The following PDZD2 variants were observed in gnomAD, a reference collection of about 807,000 sequenced individuals.
PDZD2 encodes the protein PDZ domain containing 2.
Under a neutral mutation model 220.7 loss-of-function variants are expected in PDZD2, and 90 were observed. That is an observed-to-expected ratio of 0.41 (90% CI 0.34 to 0.49). PDZD2 has a LOEUF of 0.49. Ranked by LOEUF, PDZD2 falls within the 20% of genes least tolerant of loss-of-function variation. The pLI, the probability that PDZD2 is intolerant of heterozygous loss-of-function variation, is 0.28. For missense variants in PDZD2, 3,174 were observed against 3,608.5 expected, an observed-to-expected ratio of 0.88 and a Z score of 3.08; for synonymous variants, 1,375 against 1,450.5, an observed-to-expected ratio of 0.95 and a Z score of 1.18.
chr5:32,089,476 G>T lies in PDZD2; in HGVS notation c.6028G>T (p.Asp2010Tyr), dbSNP rs201168802. 6 of 1,613,434 alleles carry T rather than the reference G, an allele frequency of 3.7e-6. No homozygotes were observed. In the South Asian group the frequency reaches 5.5e-5, roughly 15 times the overall value. The change falls in exon 20 of 25, where the codon GAC (aspartate) becomes TAC (tyrosine). Residue 2010 changes from aspartate (D) to tyrosine (Y), a missense_variant. Physicochemically the swap from Asp to Tyr is radical, Grantham distance 160 (BLOSUM62 -3). Coordinates refer to ENST00000438447, the MANE Select transcript of PDZD2 (RefSeq NM_178140.4). ...CCACATGGCTGTCCTCTCTGAACCC[G>T]ACAGAGGTTGCCCAACCACCCCTAA... Reference protein sequence around the residue: ...RFHMAVLSEPDRGCPTTPKSP... With the variant: ...RFHMAVLSEPYRGCPTTPKSP...
chr5:32,090,123 G>A lies in PDZD2; in HGVS notation c.6675G>A (p.Met2225Ile), dbSNP rs772878335. The A allele has an allele frequency of 4.3e-6, 7 of 1,613,678 alleles. No homozygotes were observed. The Admixed American group carries it at 5.0e-5, about 12-fold the overall frequency. Residue 2225 changes from methionine (M) to isoleucine (I), a missense_variant, in exon 20 of 25, where the codon ATG becomes ATA. Around this residue, in one of 4 missense-constraint regions of PDZD2, gnomAD observed 631 missense variants for 789.9 expected, o/e 0.80. Coordinates refer to ENST00000438447, the MANE Select transcript of PDZD2 (RefSeq NM_178140.4). This position sits in a 1 kb window ranked among gnomAD's most constrained non-coding sequence, Gnocchi z 4.3. ...GGCCAGCGACCAGGACCTACTCCAT[G>A]CCAGCCCAGTTCTCAAGCCATTTTG... The part of the protein sequence containing the change: ...TPRPATRTYS[M>I]PAQFSSHFGR...
intron 2 of PDZD2, among the ~76,000 whole-genome samples, chr5:31,908,019 G>T (rs1187917814): frequency 6.8e-6 from 1 of 147,092 alleles, no homozygotes; most frequent in East Asian, 2.0e-4. Context: ...GGAGGCGGAG[G>T]CTTCAGTGAG....
chr5:31,676,801 G>T (rs767032074), intron 1 of PDZD2, among the ~76,000 whole-genome samples: 2 of 151,822 alleles, frequency 1.3e-5, no homozygotes, highest in Non-Finnish European at 2.9e-5. Flanking sequence ...TGATCTGCCC[G>T]CCTCGGCCTC....
intron 2 of PDZD2, among the ~76,000 whole-genome samples, chr5:31,901,517 C>T (rs533881125): frequency 2.8e-4 from 43 of 152,094 alleles, no homozygotes; most frequent in African/African-American, 1.0e-3. Flanking sequence ...TCCCCTCAAA[C>T]AATTTTCAGT....
chr5:32,059,348 C>T lies in PDZD2; in HGVS notation c.2310C>T (p.Ser770=), dbSNP rs767218789. The change falls in exon 13 of 25, where the codon AGC becomes AGT. Residue 770 remains serine, a synonymous_variant. Transcript: ENST00000438447. Reference sequence around the variant, plus strand: ...CAGGATCAGTGGCCAAGATGGAGAGCAACCTGAGGTTTGTTGTTTGCCTGA... The same window carrying T: ...CAGGATCAGTGGCCAAGATGGAGAGTAACCTGAGGTTTGTTGTTTGCCTGA... ...LAPGSVAKME[S]NLSRGDQILE... is the part of the protein sequence containing the mutation. The T allele has an allele frequency of 1.9e-6, 3 of 1,563,588 alleles. No individual in the cohort carries two copies. Among genetic ancestry groups the T allele is most frequent in the Non-Finnish European group, 1.8e-6 (2 of 1,134,158 alleles).
At chr5:32,071,486 G>A (rs1361253285) in intron 16 of PDZD2, 68 bp downstream of exon 16, 1 of 1,283,534 alleles carries the variant, frequency 7.8e-7, no homozygotes, top group South Asian at 1.2e-5. Flanking sequence ...GAGCCCACAA[G>A]TCAAGCCGGA....
intron 2 of PDZD2, among the ~76,000 whole-genome samples, chr5:31,935,087 C>CAAA (rs57215375): frequency 8.0e-4 from 115 of 143,532 alleles, no homozygotes; most frequent in South Asian, 1.8e-3. Context: ...GACCCTGTCT[C>CAAA]AAAAAAAAAA....
chr5:31,894,740 G>A lies in PDZD2; in HGVS notation c.477-88415G>A, dbSNP rs572103852. On this transcript the variant is annotated intron_variant, in intron 2 of 24. Transcript: ENST00000438447. The stretch of plus-strand genomic sequence containing the variant: ...ACCTGAAGGGTTGAAAGATAATGTC[G>A]TAAGTATGGCTGTATCCTCAGCCCA... Among the ~76,000 whole-genome samples, 9 of 152,202 alleles carry A rather than the reference G, an allele frequency of 5.9e-5. No homozygotes were observed. In the South Asian group the frequency reaches 1.7e-3, roughly 28 times the overall value.
chr5:31,717,179 G>A (rs188257825), intron 1 of PDZD2, among the ~76,000 whole-genome samples: 38 of 152,274 alleles, frequency 2.5e-4, no homozygotes, highest in Admixed American at 2.5e-3. Flanking sequence ...CGTGTATTGA[G>A]TGCCCGTTGT....
intron 4 of PDZD2, among the ~76,000 whole-genome samples, chr5:31,998,925 C>G (rs1751870751): frequency 6.6e-6 from 1 of 152,258 alleles, no homozygotes; most frequent in African/African-American, 2.4e-5. Flanking sequence ...TCAGCCATGT[C>G]TGGCTCCTTT....
chr5:31,776,050 A>G (rs182720328), intron 1 of PDZD2, among the ~76,000 whole-genome samples: 5 of 152,278 alleles, frequency 3.3e-5, no homozygotes, highest in African/African-American at 1.2e-4. Flanking sequence ...ACAGAAAGGC[A>G]AGAAGTCTGG....
chr5:31,657,969 CCTAT>C (rs1443120362), intron 1 of PDZD2, among the ~76,000 whole-genome samples: 1 of 152,192 alleles, frequency 6.6e-6, no homozygotes, highest in African/African-American at 2.4e-5. Context: ...CTCTAACCGT[CCTAT>C]CTTTTTTCCT....
In PDZD2 at chr5:32,110,715, A is replaced by ATGGT. The variant is rs1264549510; in HGVS notation, c.*2583_*2586dup. The ATGGT allele has an allele frequency of 2.0e-5, 3 of 152,632 alleles. No homozygotes were observed. Among genetic ancestry groups the ATGGT allele is most frequent in the Non-Finnish European group, 4.4e-5 (3 of 68,036 alleles). 9.5% of individuals were successfully genotyped at this position (152,632 alleles called of 1,614,324 possible). ...CTTCCCACACATCTCATTGAATTTG[A>ATGGT]TGGTTGACTTAATTGGCACCATAAC... On this transcript the variant is annotated 3_prime_UTR_variant, in exon 25 of 25. Coordinates refer to ENST00000438447, the MANE Select transcript of PDZD2 (RefSeq NM_178140.4).
At chr5:31,822,749 G>T in intron 2 of PDZD2, 2 of 1,166,898 alleles carry the variant, frequency 1.7e-6, no homozygotes, top group Non-Finnish European at 2.5e-6. Context: ...GGAACACCTG[G>T]CCTCATCCAA....
At chr5:31,719,604 T>C (rs1439812691) in intron 1 of PDZD2, among the ~76,000 whole-genome samples, 5 of 152,206 alleles carry the variant, frequency 3.3e-5, no homozygotes, top group Admixed American at 3.3e-4. Context: ...AGGAACATAG[T>C]TGGAGAATCA....
chr5:32,042,689 A>G (rs1756301012), intron 7 of PDZD2, among the ~76,000 whole-genome samples: 2 of 152,246 alleles, frequency 1.3e-5, no homozygotes, highest in Admixed American at 1.3e-4. Flanking sequence ...GGGGACCGAA[A>G]GGAGTGGTGA....
intron 1 of PDZD2, among the ~76,000 whole-genome samples, chr5:31,795,391 A>G (rs1178613883): frequency 6.6e-6 from 1 of 152,238 alleles, no homozygotes; most frequent in Non-Finnish European, 1.5e-5. Context: ...TTGAATGCTA[A>G]GGCTAGCAGC....
At chr5:32,086,034 C>T (rs1742419424) in intron 19 of PDZD2, among the ~76,000 whole-genome samples, 1 of 152,184 alleles carries the variant, frequency 6.6e-6, no homozygotes, top group South Asian at 2.1e-4. Flanking sequence ...CATGTCCCCA[C>T]CTCCTCTGTC....
intron 1 of PDZD2, among the ~76,000 whole-genome samples, chr5:31,731,246 T>C (rs1325412334): frequency 2.0e-5 from 3 of 152,210 alleles, no homozygotes; most frequent in Non-Finnish European, 4.4e-5. Flanking sequence ...CCCAGAATGA[T>C]AGGGCTCCCA....
Sources: gnomAD v4.1 joint callset for allele counts (sites outside exome capture counted in the v4.1 genomes callset) on GRCh38, gnomAD v4.1.1 for gene constraint, gnomAD v4.1.1 regional missense constraint, Gnocchi (gnomAD v3.1) non-coding constraint, MANE v1.5 for transcripts, NCBI Gene and HGNC (gene_info 2026-07-23, HGNC 2026-07-21) for gene names.